The following FHIT variants were observed in gnomAD, a reference collection of about 807,000 sequenced individuals.
FHIT encodes bis(5'-adenosyl)-triphosphatase.
Under a neutral mutation model 17.9 loss-of-function variants are expected in FHIT, and 19 were observed. The ratio of observed to expected loss-of-function variants is 1.06; its 90% CI spans 0.74 to 1.56. The LOEUF (loss-of-function observed/expected upper bound fraction) is 1.56. Ranked by LOEUF, FHIT falls within the 40% of genes most tolerant of loss-of-function variation. The probability of loss-of-function intolerance (pLI) is 0.00; values close to 1 mark genes in which losing one functional copy is unlikely to be tolerated. For missense variants in FHIT, 248 were observed against 189.2 expected, an observed-to-expected ratio of 1.31 and a Z score of -1.82; for synonymous variants, 81 against 69.7, an observed-to-expected ratio of 1.16 and a Z score of -0.81.
intron 8 of FHIT, among the ~76,000 whole-genome samples, chr3:59,841,621 G>A (rs1356230692): frequency 6.6e-6 from 1 of 152,122 alleles, no homozygotes; most frequent in Non-Finnish European, 1.5e-5. Context: ...TTTCACAGGT[G>A]TTGATGCCTA....
intron 5 of FHIT, among the ~76,000 whole-genome samples, chr3:60,324,246 C>T (rs1227259980): frequency 1.3e-5 from 2 of 152,130 alleles, no homozygotes; most frequent in African/African-American, 4.8e-5. Flanking sequence ...GTCCTATAAC[C>T]CCAGAGTCCC....
At chr3:59,959,423 G>C (rs958375533) in intron 7 of FHIT, among the ~76,000 whole-genome samples, 7 of 152,170 alleles carry the variant, frequency 4.6e-5, no homozygotes, top group Admixed American at 2.0e-4. Context: ...GTATGTAGAA[G>C]ATTTTAGCAA....
intron 5 of FHIT, among the ~76,000 whole-genome samples, chr3:60,412,628 T>C (rs552328970): frequency 6.6e-6 from 1 of 151,512 alleles, no homozygotes; most frequent in South Asian, 2.1e-4. Flanking sequence ...TACCAGGAGG[T>C]AGCCCATTTG....
intron 2 of FHIT, among the ~76,000 whole-genome samples, chr3:61,176,134 GT>G (rs1307117270): frequency 7.2e-5 from 11 of 152,234 alleles, no homozygotes; most frequent in Admixed American, 7.2e-4. Flanking sequence ...TCTCTGGGTT[GT>G]GGGGCATCCC....
chr3:61,161,882 T>C (rs1231918276), intron 2 of FHIT, among the ~76,000 whole-genome samples: 3 of 152,238 alleles, frequency 2.0e-5, no homozygotes, highest in African/African-American at 7.2e-5. Flanking sequence ...TCTAATTCTG[T>C]CTCCTTGTAC....
chr3:60,621,698 A>C (rs1239316691), intron 4 of FHIT, among the ~76,000 whole-genome samples: 1 of 152,110 alleles, frequency 6.6e-6, no homozygotes, highest in Non-Finnish European at 1.5e-5. Flanking sequence ...GGGCTCTAGA[A>C]ATACTTGAGT....
chr3:60,450,109 T>G (rs1244107137), intron 5 of FHIT, among the ~76,000 whole-genome samples: 4 of 151,408 alleles, frequency 2.6e-5, no homozygotes, highest in Non-Finnish European at 5.9e-5. Context: ...TTGTTCTGGG[T>G]GAGCCAGTGA....
At chr3:60,432,475 G>C (rs938468653) in intron 5 of FHIT, among the ~76,000 whole-genome samples, 6 of 152,040 alleles carry the variant, frequency 3.9e-5, no homozygotes, top group Non-Finnish European at 8.8e-5. Context: ...TAAAAACTGA[G>C]TGTATAGTGA....
chr3:60,254,476 A>G (rs1705882671), intron 5 of FHIT, among the ~76,000 whole-genome samples: 1 of 152,322 alleles, frequency 6.6e-6, no homozygotes, highest in South Asian at 2.1e-4. Context: ...AAATCAGGCA[A>G]GTTTAAAACA....
chr3:60,688,456 A>C (rs1256444036), intron 4 of FHIT, among the ~76,000 whole-genome samples: 1 of 148,620 alleles, frequency 6.7e-6, no homozygotes, highest in East Asian at 2.0e-4. Context: ...TTTTAGACAG[A>C]GTTTCGCTCT....
chr3:59,867,920 G>C (rs1474705849), intron 8 of FHIT, among the ~76,000 whole-genome samples: 1 of 151,650 alleles, frequency 6.6e-6, no homozygotes, highest in African/African-American at 2.4e-5. Context: ...CCATGAAAAA[G>C]TTACGGACCA....
intron 5 of FHIT, among the ~76,000 whole-genome samples, chr3:60,064,945 T>C (rs1048361566): frequency 2.6e-5 from 4 of 152,180 alleles, no homozygotes; most frequent in African/African-American, 4.8e-5. Flanking sequence ...ACACTTACCC[T>C]ACTCAAAGTC....
intron 7 of FHIT, among the ~76,000 whole-genome samples, chr3:59,960,006 G>A (rs529371835): frequency 2.2e-3 from 341 of 152,282 alleles, no homozygotes; most frequent in Non-Finnish European, 4.2e-3. Context: ...AGCACATCGA[G>A]CAGGTCAATG....
chr3:61,003,363 T>C (rs1177649275), intron 3 of FHIT, among the ~76,000 whole-genome samples: 1 of 152,220 alleles, frequency 6.6e-6, no homozygotes, highest in Non-Finnish European at 1.5e-5. Flanking sequence ...CTTATTCTTT[T>C]ACAAATTAGA....
chr3:60,832,235 G>T, intron 3 of FHIT, among the ~76,000 whole-genome samples: 1 of 149,798 alleles, frequency 6.7e-6, no homozygotes, highest in East Asian at 2.0e-4. Flanking sequence ...TAGATAAAAA[G>T]AAAAAAAAAG....
At chr3:60,170,153 T>C (rs1474188646) in intron 5 of FHIT, among the ~76,000 whole-genome samples, 2 of 152,168 alleles carry the variant, frequency 1.3e-5, no homozygotes, top group Non-Finnish European at 2.9e-5. Context: ...CAAGGACTTT[T>C]GTTGAAACCA....
At chr3:61,048,301 T>A (rs1427749829) in intron 2 of FHIT, among the ~76,000 whole-genome samples, 4 of 151,912 alleles carry the variant, frequency 2.6e-5, no homozygotes, top group Admixed American at 2.0e-4. Context: ...AACAACCCCA[T>A]CAAAAAGTGG....
chr3:61,160,991 A>AGG (rs1485345597), intron 2 of FHIT, among the ~76,000 whole-genome samples: 1 of 152,126 alleles, frequency 6.6e-6, no homozygotes, highest in Admixed American at 6.5e-5. Flanking sequence ...CTGGGTATAA[A>AGG]ATTGAGAAAT....
At chr3:60,914,215 G>A (rs1553766602) in intron 3 of FHIT, among the ~76,000 whole-genome samples, 3 of 151,952 alleles carry the variant, frequency 2.0e-5, no homozygotes, top group East Asian at 1.9e-4. Context: ...GGAGCATAAG[G>A]AATTTTAAGA....
Sources: gnomAD v4.1 joint callset for allele counts (sites outside exome capture counted in the v4.1 genomes callset) on GRCh38, gnomAD v4.1.1 for gene constraint, MANE v1.5 for transcripts, NCBI Gene and HGNC (gene_info 2026-07-23, HGNC 2026-07-21) for gene names.